The following GGTA1 variants were observed in gnomAD, a reference collection of about 807,000 sequenced individuals.
GGTA1 encodes inactive N-acetyllactosaminide alpha-1,3-galactosyltransferase.
In GGTA1, 5 loss-of-function variants were observed where a neutral mutation model predicts 2.6. That is an observed-to-expected ratio of 1.92 (90% CI 1.00 to 4.04). GGTA1 has a LOEUF of 4.04. Ranked by LOEUF, GGTA1 falls within the 30% of genes most tolerant of loss-of-function variation. GGTA1 has a pLI of 0.00. For synonymous variants in GGTA1, 17 were observed against 5.0 expected, an observed-to-expected ratio of 3.38 and a Z score of -3.19; for missense variants, 50 against 16.7, an observed-to-expected ratio of 2.99 and a Z score of -3.47.
chr9:121,477,941 T>A (rs1828550486), intron 1 of GGTA1, among the ~76,000 whole-genome samples: 2 of 151,132 alleles, frequency 1.3e-5, no homozygotes, highest in African/African-American at 4.9e-5. Flanking sequence ...AACACCTGTA[T>A]TTTCCCCAGT....
downstream of GGTA1, chr9:121,454,959 A>G (rs892587362): frequency 1.3e-5 from 2 of 152,480 alleles, no homozygotes; most frequent in Non-Finnish European, 2.9e-5. Context: ...GGTTGCAGTG[A>G]GCCAAGATCG....
At chr9:121,480,963 C>T (rs1357960841) in intron 1 of GGTA1, among the ~76,000 whole-genome samples, 1 of 151,664 alleles carries the variant, frequency 6.6e-6, no homozygotes, top group Non-Finnish European at 1.5e-5. Context: ...ATCATCCTGG[C>T]TAACACGGTG....
intron 1 of GGTA1, among the ~76,000 whole-genome samples, chr9:121,486,615 G>C (rs531095150): frequency 6.6e-6 from 1 of 152,290 alleles, no homozygotes; most frequent in Non-Finnish European, 1.5e-5. Flanking sequence ...CTGTGATGAA[G>C]GGCACCATCT....
chr9:121,445,173 C>G (rs2064847190), exon 8 of GGTA1: 1 of 152,144 alleles, frequency 6.6e-6, no homozygotes, highest in Admixed American at 6.6e-5. Context: ...CAGGCTAGAT[C>G]ATTTCTTTGG....
chr9:121,492,398 C>T (rs988934909), intron 1 of GGTA1, among the ~76,000 whole-genome samples: 1 of 152,212 alleles, frequency 6.6e-6, no homozygotes, highest in Non-Finnish European at 1.5e-5. Flanking sequence ...GTGACCACCT[C>T]ACATTCAGCC....
In GGTA1 at chr9:121,488,776, G is replaced by A. The variant is rs1006595856; in HGVS notation, c.-10+10874C>T. ...GCAAAAAAATTAGCCAGGCATGGTG[G>A]TGCATGCCTGTAATCTCAGCTACTG... On this transcript the variant is annotated intron_variant, in intron 1 of 5. Transcript: ENST00000481799. 2.0e-5 allele frequency among the ~76,000 whole-genome samples: 3 copies of A among 152,092 alleles called. No homozygotes were observed. The East Asian group carries it at 5.8e-4, about 29-fold the overall frequency.
intron 2 of GGTA1, among the ~76,000 whole-genome samples, chr9:121,466,826 G>A (rs1177686338): frequency 2.6e-5 from 4 of 152,056 alleles, no homozygotes; most frequent in South Asian, 2.1e-4. Context: ...GGTAATACAC[G>A]CCTGTAATCA....
chr9:121,469,478 G>A (rs1038681415), intron 1 of GGTA1, among the ~76,000 whole-genome samples: 1 of 152,130 alleles, frequency 6.6e-6, no homozygotes, highest in Non-Finnish European at 1.5e-5. Context: ...CAAGCACCTT[G>A]GAAGCCAGAG....
chr9:121,496,159 A>G (rs1026863722), intron 1 of GGTA1, among the ~76,000 whole-genome samples: 42 of 152,248 alleles, frequency 2.8e-4, no homozygotes, highest in Non-Finnish European at 5.7e-4. Context: ...TTGCATCTAT[A>G]TAATGTGTAT....
At chr9:121,482,176 C>T (rs975204376) in intron 1 of GGTA1, among the ~76,000 whole-genome samples, 5 of 146,900 alleles carry the variant, frequency 3.4e-5, no homozygotes, top group Non-Finnish European at 7.6e-5. Flanking sequence ...TGTGCTAAAA[C>T]AATCTAGGAG....
intron 1 of GGTA1, among the ~76,000 whole-genome samples, chr9:121,489,881 A>G (rs1828840354): frequency 6.6e-6 from 1 of 152,190 alleles, no homozygotes; most frequent in Non-Finnish European, 1.5e-5. Context: ...AGCCTTCCTT[A>G]GTGAAGGAAG....
chr9:121,453,452 G>T (rs1043786036), downstream of GGTA1, among the ~76,000 whole-genome samples: 2 of 109,392 alleles, frequency 1.8e-5, no homozygotes, highest in African/African-American at 5.7e-5. Context: ...GCCCCAGCAT[G>T]AGGGTGAAGC....
At chr9:121,477,358 G>A (rs572652903) in intron 1 of GGTA1, among the ~76,000 whole-genome samples, 1 of 152,166 alleles carries the variant, frequency 6.6e-6, no homozygotes, top group Admixed American at 6.5e-5. Context: ...AGATAATGTG[G>A]CAGTCAAAGA....
chr9:121,482,324 T>C (rs959595478), intron 1 of GGTA1, among the ~76,000 whole-genome samples: 11 of 151,956 alleles, frequency 7.2e-5, no homozygotes, highest in South Asian at 2.1e-4. Flanking sequence ...AAAAATGAGC[T>C]GGGCATAGTG....
At chr9:121,483,801 G>A (rs1354304102) in intron 1 of GGTA1, among the ~76,000 whole-genome samples, 1 of 152,170 alleles carries the variant, frequency 6.6e-6, no homozygotes, top group Non-Finnish European at 1.5e-5. Flanking sequence ...AAACTTGAAG[G>A]TCACGATCTC....
At chr9:121,462,723 C>A (rs1253919197) in intron 3 of GGTA1, 1 of 152,092 alleles carries the variant, frequency 6.6e-6, no homozygotes, top group Non-Finnish European at 1.5e-5. Context: ...GGCACAAAAG[C>A]CGGGATTTCA....
At chr9:121,492,728 C>G (rs1418770070) in intron 1 of GGTA1, among the ~76,000 whole-genome samples, 2 of 151,364 alleles carry the variant, frequency 1.3e-5, no homozygotes, top group Non-Finnish European at 2.9e-5. Context: ...CCCGCCTCGG[C>G]CTCCCAAAGT....
At chr9:121,489,212 T>A (rs928852922) in intron 1 of GGTA1, among the ~76,000 whole-genome samples, 10 of 152,162 alleles carry the variant, frequency 6.6e-5, no homozygotes, top group South Asian at 2.1e-4. Context: ...TTATATATAT[T>A]TTTTTGAGAC....
chr9:121,472,350 A>C (rs1243836418), intron 1 of GGTA1, among the ~76,000 whole-genome samples: 1 of 152,192 alleles, frequency 6.6e-6, no homozygotes, highest in African/African-American at 2.4e-5. Flanking sequence ...TGATTACAAG[A>C]GATAATGTTG....
Sources: gnomAD v4.1 joint callset for allele counts (sites outside exome capture counted in the v4.1 genomes callset) on GRCh38, gnomAD v4.1.1 for gene constraint, MANE v1.5 for transcripts, NCBI Gene and HGNC (gene_info 2026-07-23, HGNC 2026-07-21) for gene names.